The following PPHLN1 variants were observed in gnomAD, a reference collection of about 807,000 sequenced individuals.
The protein encoded by PPHLN1 is periphilin-1.
Under a neutral mutation model 51.3 loss-of-function variants are expected in PPHLN1, and 29 were observed. The ratio of observed to expected loss-of-function variants is 0.57; its 90% CI spans 0.42 to 0.77. PPHLN1 has a LOEUF of 0.77. PPHLN1 is among the 30% of genes least tolerant of loss of function. The pLI is 0.00. For synonymous variants in PPHLN1, 147 were observed against 147.8 expected (o/e 0.99, Z 0.04); for missense variants, 436 against 438.4 (o/e 0.99, Z 0.05).
At position 42,352,005 on chromosome 12, in the gene PPHLN1, C is replaced by T. The variant is rs1268555664; in HGVS notation, c.193C>T (p.Arg65Cys). Residue 65 changes from arginine (R) to cysteine (C), a missense_variant, in exon 3 of 10, where the codon CGC becomes TGC. Arg to Cys is a radical substitution (Grantham distance 180). Transcript: ENST00000358314. ...HVDYRDYDEG[R>C]SFSHDRRSGP... ...TGATTACCGAGACTATGACGAGGGC[C>T]GCAGTTTTTCTCATGATCGAAGAAG... 9.7e-6 allele frequency: 15 copies of T among 1,549,502 alleles called. No individual in the cohort carries two copies. Among genetic ancestry groups the T allele is most frequent in the South Asian group, 2.5e-5 (2 of 79,334 alleles).
intron 1 of PPHLN1, chr12:42,332,586 G>A: frequency 2.1e-6 from 2 of 973,930 alleles, no homozygotes; most frequent in Non-Finnish European, 3.2e-6. Flanking sequence ...AATTAATGAA[G>A]ATTTAATTAT....
intron 7 of PPHLN1, among the ~76,000 whole-genome samples, chr12:42,392,879 C>T (rs1371582687): frequency 4.6e-5 from 7 of 152,160 alleles, no homozygotes; most frequent in Non-Finnish European, 8.8e-5. Flanking sequence ...CTCACAACTG[C>T]TTTGCAAAGT....
intron 9 of PPHLN1, among the ~76,000 whole-genome samples, chr12:42,424,532 T>G (rs559138736): frequency 6.6e-6 from 1 of 152,326 alleles, no homozygotes; most frequent in Admixed American, 6.5e-5. Flanking sequence ...TCCTGTCTTC[T>G]ACAAATACAT....
chr12:42,446,252 C>T, downstream of PPHLN1: 1 of 1,610,394 alleles, frequency 6.2e-7, no homozygotes, highest in South Asian at 1.1e-5. Context: ...AAATTTGTTC[C>T]TTGCTATGCT....
At chr12:42,355,351 G>A in intron 4 of PPHLN1, 129 bp downstream of exon 4, 1 of 757,310 alleles carries the variant, frequency 1.3e-6, no homozygotes, top group Admixed American at 2.4e-5. Flanking sequence ...AAAGCAACAA[G>A]CATTATATTC....
intron 1 of PPHLN1, chr12:42,331,881 C>T (rs2069796124): frequency 6.6e-6 from 1 of 152,156 alleles, no homozygotes; most frequent in African/African-American, 2.4e-5. Context: ...GTCTGAACAC[C>T]TTTGTATAAA....
At chr12:42,411,903 C>CA (rs1212289027) in intron 9 of PPHLN1, among the ~76,000 whole-genome samples, 3,793 of 33,904 alleles carry the variant, frequency 0.11, 491 homozygotes, top group Middle Eastern at 0.25. Flanking sequence ...GACTCAGTCT[C>CA]AAAAAAAAAA....
At position 42,434,325 on chromosome 12, in the gene PPHLN1, A is replaced by G. The variant is rs1042446883; in HGVS notation, c.910-6990A>G. Among the ~76,000 whole-genome samples the G allele has an allele frequency of 2.0e-5, 3 of 152,320 alleles. No homozygotes were observed. The South Asian group carries it at 6.2e-4, about 32-fold the overall frequency. The stretch of plus-strand genomic sequence containing the variant: ...AGGGAGAGTATCAGGAAGAATAGCT[A>G]ATGGATGCTGGGCTTAATACCTAAG... On this transcript the variant is annotated intron_variant, in intron 9 of 9. Transcript: ENST00000358314.
At chr12:42,440,927 G>A (rs2082891798) in intron 9 of PPHLN1, among the ~76,000 whole-genome samples, 1 of 152,192 alleles carries the variant, frequency 6.6e-6, no homozygotes. Context: ...AGAATCTAAA[G>A]TTAGGGGCTC....
chr12:42,439,497 T>A (rs373954080), intron 9 of PPHLN1, among the ~76,000 whole-genome samples: 6 of 152,272 alleles, frequency 3.9e-5, no homozygotes, highest in African/African-American at 1.4e-4. Context: ...AAGTAAGGTG[T>A]GTTGTTTTTT....
chr12:42,363,739 CT>C (rs762619959), intron 4 of PPHLN1, among the ~76,000 whole-genome samples: 8 of 152,060 alleles, frequency 5.3e-5, no homozygotes, highest in Non-Finnish European at 7.4e-5. Flanking sequence ...ACCTGCTCGT[CT>C]TGTTTCTGTA....
Position 42,377,891 on chromosome 12 carries a change from A to G in PPHLN1, c.511+2817A>G, listed in dbSNP as rs556113312. 2.0e-5 allele frequency among the ~76,000 whole-genome samples: 3 copies of G among 152,274 alleles called. No homozygotes were observed. In the South Asian group the frequency reaches 6.2e-4, roughly 32 times the overall value. ...TAATGGCCAAAACTCTAAGATCTTG[A>G]GATGAAATGTGGTTGAGCCGTAACG... On this transcript the variant is annotated intron_variant, in intron 5 of 9. Transcript: ENST00000358314.
chr12:42,391,403 T>C (rs2077700775), intron 7 of PPHLN1, among the ~76,000 whole-genome samples: 1 of 152,074 alleles, frequency 6.6e-6, no homozygotes, highest in South Asian at 2.1e-4. Flanking sequence ...CACACCTGGC[T>C]AATTTTTGTA....
chr12:42,420,599 T>C (rs1463077890), intron 9 of PPHLN1, among the ~76,000 whole-genome samples: 1 of 151,086 alleles, frequency 6.6e-6, no homozygotes, highest in Non-Finnish European at 1.5e-5. Flanking sequence ...GACTCCTGAG[T>C]AGCTGAGATT....
At chr12:42,444,727 C>T, downstream of PPHLN1, 1 of 294,888 alleles carries the variant, frequency 3.4e-6, no homozygotes, top group East Asian at 7.7e-5. Flanking sequence ...CTTCAGATAG[C>T]ACTCTCTGAT....
intron 2 of PPHLN1, among the ~76,000 whole-genome samples, chr12:42,337,165 A>G (rs2070775525): frequency 6.6e-6 from 1 of 151,806 alleles, no homozygotes; most frequent in African/African-American, 2.4e-5. Context: ...GTTTACCTGT[A>G]GGGAAAAGGG....
chr12:42,398,290 T>G (rs1051411190), intron 8 of PPHLN1, among the ~76,000 whole-genome samples: 1 of 152,218 alleles, frequency 6.6e-6, no homozygotes, highest in Middle Eastern at 3.2e-3. Context: ...ATTATTAGGC[T>G]ACAGGAGCAA....
chr12:42,398,718 GGAGA>G (rs777683281), intron 8 of PPHLN1, 132 bp from the exon 9 acceptor site: 2 of 687,184 alleles, frequency 2.9e-6, no homozygotes, highest in Non-Finnish European at 4.5e-6. Context: ...ATAGTGAAAT[GGAGA>G]GAGTTTTCTT....
chr12:42,430,887 C>T (rs1182691792), intron 9 of PPHLN1, among the ~76,000 whole-genome samples: 1 of 152,040 alleles, frequency 6.6e-6, no homozygotes, highest in African/African-American at 2.4e-5. Flanking sequence ...TGAAATTAAA[C>T]AAAACAAGAT....
Sources: allele counts gnomAD v4.1 joint callset (sites outside exome capture counted in the v4.1 genomes callset), GRCh38; gene constraint gnomAD v4.1.1; transcripts MANE v1.5; gene names NCBI Gene and HGNC (gene_info 2026-07-23, HGNC 2026-07-21).